The following PDIA3 variants were observed in gnomAD, a reference collection of about 807,000 sequenced individuals.
PDIA3 encodes the protein protein disulfide-isomerase A3.
A neutral mutation model predicts 56.9 loss-of-function variants in PDIA3; 16 were observed. The ratio of observed to expected loss-of-function variants is 0.28; its 90% CI spans 0.19 to 0.43. The LOEUF (loss-of-function observed/expected upper bound fraction) is 0.43, where lower values mean the gene tolerates loss of function less well. PDIA3 is among the 20% of genes least tolerant of loss of function. PDIA3 has a pLI of 1.00. For missense variants in PDIA3, 485 were observed against 621.3 expected (o/e 0.78, Z 2.33); for synonymous variants, 192 against 216.5 (o/e 0.89, Z 0.99).
At chr15:43,770,177 G>C in intron 10 of PDIA3, 73 bp from the exon 11 acceptor site, 1 of 1,184,164 alleles carries the variant, frequency 8.4e-7, no homozygotes, top group Middle Eastern at 1.9e-4. Flanking sequence ...ATTGTTTTAA[G>C]TCTTCAATTG....
intron 1 of PDIA3, chr15:43,751,868 C>A: frequency 1.3e-6 from 1 of 743,396 alleles, no homozygotes; most frequent in Non-Finnish European, 1.9e-6. Context: ...TGATTTTTTT[C>A]TCTTAAAATG....
chr15:43,760,530 CTTT>C (rs199578385), intron 3 of PDIA3, among the ~76,000 whole-genome samples: 7 of 116,756 alleles, frequency 6.0e-5, no homozygotes, highest in Non-Finnish European at 5.6e-5. Context: ...AAAAAAAAAA[CTTT>C]TTTTTTTTTT....
At chr15:43,753,070 C>T in intron 1 of PDIA3, 1 of 340,598 alleles carries the variant, frequency 2.9e-6, no homozygotes, top group Non-Finnish European at 5.9e-6. Flanking sequence ...GTTTCAGTCA[C>T]AATTTTGTGT....
intron 1 of PDIA3, chr15:43,751,774 T>A (rs561240916): frequency 3.1e-6 from 4 of 1,292,020 alleles, no homozygotes; most frequent in Non-Finnish European, 4.0e-6. Context: ...CCATGCATAC[T>A]TTTGTTGTTT....
intron 11 of PDIA3, 51 bp from the exon 12 acceptor site, chr15:43,770,472 C>T (rs1240211303): frequency 2.1e-6 from 3 of 1,421,466 alleles, no homozygotes; most frequent in Non-Finnish European, 3.0e-6. Flanking sequence ...AAGAGTTCTG[C>T]AGTATGGGCC....
chr15:43,750,026 C>T (rs1225980678), intron 1 of PDIA3, among the ~76,000 whole-genome samples: 1 of 149,158 alleles, frequency 6.7e-6, no homozygotes, highest in Non-Finnish European at 1.5e-5. Context: ...ATTCTTTTTC[C>T]GCTTTCATGT....
chr15:43,766,046 GT>G, intron 7 of PDIA3, 34 bp downstream of exon 7: 1 of 1,584,506 alleles, frequency 6.3e-7, no homozygotes. Flanking sequence ...TCATGAACAA[GT>G]TTACCCAATG....
At chr15:43,754,497 C>A (rs1031861379) in intron 2 of PDIA3, among the ~76,000 whole-genome samples, 1 of 151,608 alleles carries the variant, frequency 6.6e-6, no homozygotes, top group African/African-American at 2.4e-5. Flanking sequence ...AATTCCAGCA[C>A]TTTGGGATGA....
At chr15:43,768,697 CTT>C (rs577143432) in intron 9 of PDIA3, 100 bp downstream of exon 9, 360 of 575,656 alleles carry the variant, frequency 6.3e-4, no homozygotes, top group Middle Eastern at 9.2e-4. Context: ...TTGGCCATCT[CTT>C]TTTTTTTTTG....
At chr15:43,757,538 A>G (rs1201893628) in intron 3 of PDIA3, among the ~76,000 whole-genome samples, 2 of 149,818 alleles carry the variant, frequency 1.3e-5, no homozygotes, top group Non-Finnish European at 3.0e-5. Flanking sequence ...AACATGGGCG[A>G]CAGAGCGAGA....
chr15:43,748,504 T>G (rs1318966152), intron 1 of PDIA3, among the ~76,000 whole-genome samples: 1 of 152,072 alleles, frequency 6.6e-6, no homozygotes, highest in Non-Finnish European at 1.5e-5. Context: ...AATTTTTTAT[T>G]TGAATTGAAG....
chr15:43,747,045 C>A (rs939708558), intron 1 of PDIA3: 9 of 293,290 alleles, frequency 3.1e-5, no homozygotes, highest in African/African-American at 1.8e-4. Context: ...TATTAATGCT[C>A]CTCCAGTCTA....
intron 1 of PDIA3, among the ~76,000 whole-genome samples, chr15:43,752,177 A>G (rs2086748659): frequency 6.6e-6 from 1 of 152,204 alleles, no homozygotes; most frequent in Non-Finnish European, 1.5e-5. Flanking sequence ...CATCATGCTT[A>G]CTGGTATTCT....
chr15:43,754,879 A>G (rs2086768058), intron 2 of PDIA3, among the ~76,000 whole-genome samples: 1 of 151,926 alleles, frequency 6.6e-6, no homozygotes, highest in Non-Finnish European at 1.5e-5. Flanking sequence ...TGCTTAAGCC[A>G]GAGAGGTTGA....
At chr15:43,766,622 A>G in intron 7 of PDIA3, 106 bp from the exon 8 acceptor site, 1 of 837,424 alleles carries the variant, frequency 1.2e-6, no homozygotes, top group Non-Finnish European at 1.9e-6. Flanking sequence ...CCAGAAGGCT[A>G]GAACTATAGA....
rs146778819 is a variant in PDIA3 at position 43,753,972 on chromosome 15, G to C, written c.246+70G>C. The C allele has an allele frequency of 1.1e-3, 1,102 of 1,020,504 alleles. 7 individuals carry two copies. The African/African-American group carries it at 0.016, about 14-fold the overall frequency. The allele number at this position is 1,020,504 out of a possible 1,614,324, so 63.2% of individuals were successfully genotyped here. On this transcript the variant is annotated intron_variant, in intron 2 of 12. Transcript: ENST00000300289. ...AAAAGTAGTTTGTTGTCTCAGCTTTGTTACATGGAAAAAAATAACAGTAAT... is the reference window on the plus strand; with the variant it reads ...AAAAGTAGTTTGTTGTCTCAGCTTTCTTACATGGAAAAAAATAACAGTAAT...
intron 8 of PDIA3, 46 bp from the exon 9 acceptor site, chr15:43,768,443 C>T (rs769490554): frequency 1.5e-6 from 2 of 1,369,698 alleles, no homozygotes; most frequent in Middle Eastern, 1.8e-4. Flanking sequence ...ATTTTCTCAG[C>T]GGTGGGAATA....
intron 3 of PDIA3, among the ~76,000 whole-genome samples, chr15:43,758,015 G>T (rs2086790959): frequency 6.6e-6 from 1 of 151,560 alleles, no homozygotes; most frequent in Non-Finnish European, 1.5e-5. Flanking sequence ...GAGGCTGGCG[G>T]ATCACCTGAG....
At chr15:43,767,001 G>A (rs771165217) in intron 8 of PDIA3, 91 bp downstream of exon 8, 47 of 1,127,744 alleles carry the variant, frequency 4.2e-5, no homozygotes, top group Non-Finnish European at 6.0e-5. Context: ...ACCCTGGAAT[G>A]TGAAGATAGG....
Sources: gnomAD v4.1 joint callset for allele counts (sites outside exome capture counted in the v4.1 genomes callset) on GRCh38, gnomAD v4.1.1 for gene constraint, MANE v1.5 for transcripts, NCBI Gene and HGNC (gene_info 2026-07-23, HGNC 2026-07-21) for gene names.